REEP5: variants seen among roughly 807,000 people sequenced by gnomAD.
The protein encoded by REEP5 is receptor expression-enhancing protein 5.
REEP5 carries 24 observed loss-of-function variants against 22.4 expected under a neutral mutation model. That is an observed-to-expected ratio of 1.07 (90% CI 0.78 to 1.51). The LOEUF is 1.51. REEP5 is among the 40% of genes most tolerant of loss of function. The probability of loss-of-function intolerance (pLI) is 0.00; values close to 1 mark genes in which losing one functional copy is unlikely to be tolerated. For missense variants in REEP5, 252 were observed against 233.0 expected, an observed-to-expected ratio of 1.08 and a Z score of -0.53; for synonymous variants, 103 against 88.6, an observed-to-expected ratio of 1.16 and a Z score of -0.92.
In REEP5 at chr5:112,920,888, A is replaced by G. The variant is rs1769340707; in HGVS notation, c.212+275T>C. Among the ~76,000 whole-genome samples, 3 of 152,206 alleles carry G rather than the reference A, an allele frequency of 2.0e-5. No homozygotes were observed. The South Asian group carries it at 6.2e-4, about 32-fold the overall frequency. Reference sequence around the variant, plus strand: ...CCCACCAGTAAAGGGAGGACGACAGAGTGGTAGCGCTTTCCTGTTAGTGTG... The same window carrying G: ...CCCACCAGTAAAGGGAGGACGACAGGGTGGTAGCGCTTTCCTGTTAGTGTG... On this transcript the variant is annotated intron_variant, in intron 2 of 4. Coordinates refer to ENST00000379638, the MANE Select transcript of REEP5 (RefSeq NM_005669.5).
At position 112,921,146 on chromosome 5, in the gene REEP5, C is replaced by T; in HGVS notation, c.212+17G>A. ...ATGGAGGAAGGGAAGGGGACGGCTG[C>T]AGGGTGTGTCACTTACGAGATGTAG... On this transcript the variant is annotated intron_variant, in intron 2 of 4. Transcript: ENST00000379638. 2 of 1,612,576 alleles carry T rather than the reference C, an allele frequency of 1.2e-6. No individual in the cohort carries two copies. Among genetic ancestry groups the T allele is most frequent in the East Asian group, 2.2e-5 (1 of 44,874 alleles).
chr5:112,908,094 G>GTTTT (rs1168506605), intron 2 of REEP5, among the ~76,000 whole-genome samples: 6 of 72,618 alleles, frequency 8.3e-5, no homozygotes, highest in African/African-American at 3.1e-4. Flanking sequence ...GACTTTCTTT[G>GTTTT]TTTTTTGTTT....
At chr5:112,905,546 AAAAAC>A (rs1768935812) in intron 2 of REEP5, among the ~76,000 whole-genome samples, 1 of 149,522 alleles carries the variant, frequency 6.7e-6, no homozygotes, top group Non-Finnish European at 1.5e-5. Context: ...GTCTCAAAAA[AAAAAC>A]AAAACAAAAA....
chr5:112,887,085 G>A lies in REEP5; in HGVS notation c.450C>T (p.Ser150=), dbSNP rs762701367. 6.2e-7 allele frequency: 1 copy of A among 1,613,636 alleles called. No individual in the cohort carries two copies. Among genetic ancestry groups the A allele is most frequent in the African/African-American group, 1.3e-5 (1 of 74,906 alleles). The change falls in exon 4 of 5, where the codon TCC becomes TCT. Residue 150 remains serine (S), a synonymous_variant. Coordinates refer to ENST00000379638, the MANE Select transcript of REEP5 (RefSeq NM_005669.5). ...GGTCCTTGACCACACTGTCCATCTG[G>A]GACTCGTGCTTCAGGAAGAAAGGAC... ...IIRPFFLKHE[S]QMDSVVKDLK...
intron 2 of REEP5, among the ~76,000 whole-genome samples, chr5:112,916,156 T>C (rs1043176864): frequency 6.6e-6 from 1 of 152,262 alleles, no homozygotes; most frequent in Non-Finnish European, 1.5e-5. Context: ...CCCCAGAATG[T>C]GTCCTCCCTT....
chr5:112,902,653 A>G, intron 2 of REEP5, 135 bp from the exon 3 acceptor site: 3 of 693,676 alleles, frequency 4.3e-6, no homozygotes, highest in Non-Finnish European at 6.8e-6. Context: ...ACTAGATGCA[A>G]GAGTACAGCT....
At chr5:112,901,720 A>G (rs1768852190) in intron 3 of REEP5, among the ~76,000 whole-genome samples, 2 of 151,928 alleles carry the variant, frequency 1.3e-5, no homozygotes, top group South Asian at 4.1e-4. Context: ...TCAGAAAAAA[A>G]AAAAAGGAGG....
At chr5:112,886,014 C>G (rs1323364443) in intron 4 of REEP5, among the ~76,000 whole-genome samples, 1 of 152,226 alleles carries the variant, frequency 6.6e-6, no homozygotes, top group African/African-American at 2.4e-5. Context: ...TCCCCTTTCC[C>G]CTTCAGCGAC....
intron 2 of REEP5, among the ~76,000 whole-genome samples, chr5:112,910,839 C>G (rs976859211): frequency 6.6e-6 from 1 of 152,164 alleles, no homozygotes; most frequent in Admixed American, 6.5e-5. Context: ...CCCACAGAGC[C>G]CTGATTTTAT....
intron 2 of REEP5, among the ~76,000 whole-genome samples, chr5:112,915,880 TAA>T (rs375548847): frequency 0.015 from 1,967 of 133,802 alleles, 19 homozygotes; most frequent in Non-Finnish European, 0.014. Context: ...AATTACAATT[TAA>T]AAAAAAAAAA....
At chr5:112,891,641 T>C (rs752144605) in intron 3 of REEP5, 4 of 1,603,794 alleles carry the variant, frequency 2.5e-6, no homozygotes, top group South Asian at 1.1e-5. Context: ...GCTGGCAAGA[T>C]GGCTGCACTT....
chr5:112,887,036 C>T lies in REEP5; in HGVS notation c.499G>A (p.Ala167Thr). 1 of 1,609,722 alleles carries T rather than the reference C, an allele frequency of 6.2e-7. No individual in the cohort carries two copies. Among genetic ancestry groups the T allele is most frequent in the East Asian group, 2.2e-5 (1 of 44,782 alleles). The change falls in exon 4 of 5, where the codon GCA becomes ACA. Residue 167 changes from alanine (A) to threonine (T), a missense_variant. By Grantham distance (58) the Ala-to-Thr change is moderately conservative (BLOSUM62 0). Transcript: ENST00000379638. The part of the protein sequence containing the change: ...KDLKDKAKET[A>T]DAITKEAKKA... ...TTACCTTCTTTAGTGATGGCATCTG[C>T]AGTCTCTTTGGCCTTGTCTTTAAGG...
At chr5:112,922,040 C>A (rs751379943) in intron 1 of REEP5, 33 bp downstream of exon 1, 1 of 1,575,450 alleles carries the variant, frequency 6.3e-7, no homozygotes. Flanking sequence ...GCTCCCGTGG[C>A]CCTACCAGCG....
At chr5:112,914,191 C>T (rs141550964) in intron 2 of REEP5, among the ~76,000 whole-genome samples, 14 of 151,654 alleles carry the variant, frequency 9.2e-5, no homozygotes, top group East Asian at 3.9e-4. Context: ...GGCGCAATCT[C>T]GGCTCATTGC....
chr5:112,903,939 C>T (rs1251069604), intron 2 of REEP5, among the ~76,000 whole-genome samples: 1 of 152,096 alleles, frequency 6.6e-6, no homozygotes, highest in Non-Finnish European at 1.5e-5. Flanking sequence ...TATGTAATTC[C>T]CTTCACTTCA....
intron 1 of REEP5, 189 bp from the exon 2 acceptor site, chr5:112,921,445 G>A (rs761890579): frequency 4.7e-5 from 29 of 621,550 alleles, no homozygotes; most frequent in Non-Finnish European, 8.3e-5. Flanking sequence ...GAAGTCTGGG[G>A]ATACCAGGCA....
Position 112,878,425 on chromosome 5 carries a change from A to C in REEP5, c.*361T>G, listed in dbSNP as rs779372881. On this transcript the variant is annotated 3_prime_UTR_variant, in exon 5 of 5. Coordinates refer to ENST00000379638, the MANE Select transcript of REEP5 (RefSeq NM_005669.5). ...AAGTAGAACCATAAAGATTATCCTA[A>C]ATGTAACTACAGAGAAAATGCGTGC... 1.8e-5 allele frequency: 4 copies of C among 216,686 alleles called. No individual in the cohort carries two copies. The highest frequency in any genetic ancestry group is 4.6e-5 in the African/African-American group (2 of 43,680). The allele number at this position is 216,686 out of a possible 1,614,324, so 13.4% of individuals were successfully genotyped here. A position where few individuals can be genotyped will look rare whatever the true frequency, so the allele number is the denominator to read the frequency against.
chr5:112,883,739 A>G (rs951330880), intron 4 of REEP5, among the ~76,000 whole-genome samples: 1 of 152,180 alleles, frequency 6.6e-6, no homozygotes, highest in Non-Finnish European at 1.5e-5. Context: ...TAACAAACAG[A>G]CACCTCAAAC....
intron 4 of REEP5, among the ~76,000 whole-genome samples, chr5:112,883,030 G>A (rs1194815430): frequency 6.6e-6 from 1 of 152,170 alleles, no homozygotes; most frequent in Admixed American, 6.5e-5. Context: ...GTCAAGGACA[G>A]AGCTCCAACA....
Sources: allele counts gnomAD v4.1 joint callset (sites outside exome capture counted in the v4.1 genomes callset), GRCh38; gene constraint gnomAD v4.1.1; transcripts MANE v1.5; gene names NCBI Gene and HGNC (gene_info 2026-07-23, HGNC 2026-07-21).